Variants in SLC39A11 observed in about 807,000 individuals in gnomAD.
SLC39A11 encodes solute carrier family 39 member 11, also known as zinc transporter ZIP11.
In SLC39A11, 33 loss-of-function variants were observed where a neutral mutation model predicts 36.1. The ratio of observed to expected loss-of-function variants is 0.91; its 90% confidence interval spans 0.69 to 1.22. The LOEUF is 1.22. SLC39A11 is among the 50% of genes most tolerant of loss of function. The probability of loss-of-function intolerance (pLI) is 0.00; values close to 1 mark genes in which losing one functional copy is unlikely to be tolerated. For synonymous variants in SLC39A11, 166 were observed against 170.3 expected, an observed-to-expected ratio of 0.97 and a Z score of 0.20; for missense variants, 432 against 430.3, an observed-to-expected ratio of 1.00 and a Z score of -0.03.
intron 4 of SLC39A11, among the ~76,000 whole-genome samples, chr17:72,975,997 C>T (rs1415615025): frequency 6.6e-6 from 1 of 151,304 alleles, no homozygotes; most frequent in African/African-American, 2.4e-5. Context: ...GGTGAAACCC[C>T]GTCTCTACTA....
At chr17:72,694,880 A>T (rs1191973621) in intron 7 of SLC39A11, among the ~76,000 whole-genome samples, 1 of 152,108 alleles carries the variant, frequency 6.6e-6, no homozygotes, top group Non-Finnish European at 1.5e-5. Context: ...GACATCCATT[A>T]CGATATTTCC....
intron 5 of SLC39A11, among the ~76,000 whole-genome samples, chr17:72,890,781 T>C (rs1456273261): frequency 6.6e-6 from 1 of 151,958 alleles, no homozygotes; most frequent in African/African-American, 2.4e-5. Context: ...CAGGAGAGAA[T>C]GCCAGGAAAA....
chr17:72,815,896 G>C (rs931788812), intron 6 of SLC39A11, among the ~76,000 whole-genome samples: 11 of 152,228 alleles, frequency 7.2e-5, no homozygotes, highest in Non-Finnish European at 1.2e-4. Flanking sequence ...ACTCCAGCCT[G>C]AGCAACAGAG....
At chr17:72,735,246 T>C (rs1013809920) in intron 7 of SLC39A11, among the ~76,000 whole-genome samples, 4 of 152,150 alleles carry the variant, frequency 2.6e-5, no homozygotes, top group African/African-American at 9.7e-5. Flanking sequence ...CGTACAGCCT[T>C]AGAATTCAGC....
At chr17:72,654,865 G>A (rs1005256414) in intron 7 of SLC39A11, among the ~76,000 whole-genome samples, 8 of 152,304 alleles carry the variant, frequency 5.3e-5, no homozygotes, top group Admixed American at 1.3e-4. Context: ...CAAAGTCCTC[G>A]CCGTGACATA....
intron 5 of SLC39A11, among the ~76,000 whole-genome samples, chr17:72,924,697 A>G (rs1487083264): frequency 6.6e-6 from 1 of 152,138 alleles, no homozygotes; most frequent in Non-Finnish European, 1.5e-5. Context: ...AATCTCCCAG[A>G]GGGAGAAGTC....
At chr17:72,793,598 T>C (rs1475887469) in intron 6 of SLC39A11, among the ~76,000 whole-genome samples, 6 of 152,164 alleles carry the variant, frequency 3.9e-5, no homozygotes, top group African/African-American at 1.2e-4. Flanking sequence ...TTTTTTAATT[T>C]TTTTTTAAAA....
intron 5 of SLC39A11, among the ~76,000 whole-genome samples, chr17:72,920,787 CCATACACA>C: frequency 6.6e-6 from 1 of 150,470 alleles, no homozygotes; most frequent in Non-Finnish European, 1.5e-5. Flanking sequence ...CACCTACACC[CCATACACA>C]CATGCACACT....
At chr17:72,949,152 T>G (rs1369371589) in intron 4 of SLC39A11, among the ~76,000 whole-genome samples, 24 of 90,620 alleles carry the variant, frequency 2.6e-4, no homozygotes, top group African/African-American at 2.3e-3. Flanking sequence ...AGCTTTTTTT[T>G]TTTTTTTTTT....
At chr17:72,661,689 C>T (rs1324706467) in intron 7 of SLC39A11, among the ~76,000 whole-genome samples, 1 of 152,166 alleles carries the variant, frequency 6.6e-6, no homozygotes, top group Non-Finnish European at 1.5e-5. Context: ...GCAGGGCTGC[C>T]CGGCCCTACC....
intron 3 of SLC39A11, among the ~76,000 whole-genome samples, chr17:73,076,541 G>A (rs2060325178): frequency 6.6e-6 from 1 of 152,196 alleles, no homozygotes; most frequent in Non-Finnish European, 1.5e-5. Flanking sequence ...ACAGTGCTGT[G>A]TAGACATCTG....
At chr17:72,985,407 CTTTTTTT>C (rs386386576) in intron 4 of SLC39A11, among the ~76,000 whole-genome samples, 3 of 78,928 alleles carry the variant, frequency 3.8e-5, no homozygotes, top group Non-Finnish European at 7.0e-5. Flanking sequence ...TGGGGCCTGC[CTTTTTTT>C]TTTTTTTTTT....
At chr17:72,703,606 T>C (rs2072751067) in intron 7 of SLC39A11, among the ~76,000 whole-genome samples, 1 of 152,174 alleles carries the variant, frequency 6.6e-6, no homozygotes, top group Admixed American at 6.5e-5. Context: ...ATGATCTGTT[T>C]CTCCATGGCC....
chr17:73,091,375 C>T (rs1158497834), intron 1 of SLC39A11, among the ~76,000 whole-genome samples: 1 of 151,888 alleles, frequency 6.6e-6, no homozygotes, highest in African/African-American at 2.4e-5. Flanking sequence ...ACCCGGGAGG[C>T]GGAGGTTGCA....
chr17:72,874,829 C>T (rs2080812979), intron 5 of SLC39A11, among the ~76,000 whole-genome samples: 1 of 152,202 alleles, frequency 6.6e-6, no homozygotes, highest in Admixed American at 6.5e-5. Flanking sequence ...GCCAGGGCCT[C>T]CAACCCAACT....
At chr17:72,928,133 T>A (rs945259639) in intron 5 of SLC39A11, among the ~76,000 whole-genome samples, 1 of 152,282 alleles carries the variant, frequency 6.6e-6, no homozygotes, top group East Asian at 1.9e-4. Flanking sequence ...CTCTGGACAC[T>A]ATAAAAGAAA....
chr17:72,662,615 G>GAGGGAAGAA (rs1555630745), intron 7 of SLC39A11, among the ~76,000 whole-genome samples: 1 of 87,570 alleles, frequency 1.1e-5, no homozygotes, highest in Non-Finnish European at 2.2e-5. Flanking sequence ...AGGAAGGAAG[G>GAGGGAAGAA]AGAGAAGAAA....
At chr17:72,865,537 G>A (rs1400711733) in intron 5 of SLC39A11, among the ~76,000 whole-genome samples, 2 of 151,350 alleles carry the variant, frequency 1.3e-5, no homozygotes, top group African/African-American at 2.4e-5. Flanking sequence ...CCAGGGTAAC[G>A]AGGCTCTCAA....
intron 3 of SLC39A11, among the ~76,000 whole-genome samples, chr17:73,079,324 T>C (rs2060438764): frequency 2.0e-5 from 3 of 152,140 alleles, no homozygotes; most frequent in African/African-American, 7.2e-5. Flanking sequence ...CTCAAACTTC[T>C]GACCTTAGGT....
Sources: gnomAD v4.1 joint callset for allele counts (sites outside exome capture counted in the v4.1 genomes callset) on GRCh38, gnomAD v4.1.1 for gene constraint, MANE v1.5 for transcripts, NCBI Gene and HGNC (gene_info 2026-07-23, HGNC 2026-07-21) for gene names.